ZNRF1: variants seen among roughly 807,000 people sequenced by gnomAD.
The protein encoded by ZNRF1 is zinc and ring finger 1, also known as E3 ubiquitin-protein ligase ZNRF1.
ZNRF1 carries 3 observed loss-of-function variants against 18.4 expected under a neutral mutation model. That is an observed-to-expected ratio of 0.16 (90% CI 0.07 to 0.42). The LOEUF is 0.42. Ranked by LOEUF, ZNRF1 falls within the 10% of genes least tolerant of loss-of-function variation. The probability of loss-of-function intolerance (pLI) is 0.99; values close to 1 mark genes in which losing one functional copy is unlikely to be tolerated. For synonymous variants in ZNRF1, 157 were observed against 144.2 expected (o/e 1.09, Z -0.64); for missense variants, 310 against 329.8 (o/e 0.94, Z 0.47).
rs1256255374 is a variant in ZNRF1 at position 75,000,107 on chromosome 16, G to T, written c.424+12G>T. ...CAGCTCGCATAGTGGTGAGTCCGCG[G>T]GTGGTGGAGGCCTCGGAGGGAGGGC... is the stretch of plus-strand genomic sequence containing the variant. On this transcript the variant is annotated intron_variant, in intron 1 of 4. Transcript: ENST00000335325. 1.3e-6 allele frequency: 2 copies of T among 1,594,308 alleles called. No individual in the cohort carries two copies. Among genetic ancestry groups the T allele is most frequent in the South Asian group, 1.1e-5 (1 of 87,624 alleles).
Position 75,061,290 on chromosome 16 carries a change from T to TC in ZNRF1, c.425-32276dup, listed in dbSNP as rs1236175831. On this transcript the variant is annotated intron_variant, in intron 1 of 4. Coordinates refer to ENST00000335325, the MANE Select transcript of ZNRF1 (RefSeq NM_032268.5). ...TTTGCACCCATTAACCATCCCCACCTCCCCCCACACCCCCAGTACCCTTCC... is the reference window on the plus strand; with the variant it reads ...TTTGCACCCATTAACCATCCCCACCTCCCCCCCACACCCCCAGTACCCTTCC... 3.3e-5 allele frequency among the ~76,000 whole-genome samples: 5 copies of TC among 150,884 alleles called. No individual in the cohort carries two copies. The East Asian group carries it at 9.9e-4, about 30-fold the overall frequency.
intron 1 of ZNRF1, among the ~76,000 whole-genome samples, chr16:75,072,535 T>C (rs376141293): frequency 6.6e-6 from 1 of 152,314 alleles, no homozygotes; most frequent in East Asian, 1.9e-4. Flanking sequence ...GTCCAGTGCC[T>C]GACACAGAGT....
intron 1 of ZNRF1, among the ~76,000 whole-genome samples, chr16:75,051,233 A>G (rs1597881537): frequency 6.6e-6 from 1 of 151,522 alleles, no homozygotes; most frequent in South Asian, 2.1e-4. Flanking sequence ...TCTGAGACGG[A>G]GTCTCACTCT....
rs149221475 is a variant in ZNRF1, at chr16:75,094,740, C to T, written c.520+1073C>T. On this transcript the variant is annotated intron_variant, in intron 2 of 4. Coordinates refer to ENST00000335325, the MANE Select transcript of ZNRF1 (RefSeq NM_032268.5). Reference sequence around the variant, plus strand: ...CTTCTCCTCAGTGCTGCTCAGCCCACGCCACTGCTGACCCTCGATTTTCCA... The same window carrying T: ...CTTCTCCTCAGTGCTGCTCAGCCCATGCCACTGCTGACCCTCGATTTTCCA... Among the ~76,000 whole-genome samples, 493 of 152,276 alleles carry T rather than the reference C, an allele frequency of 3.2e-3. 2 individuals carry two copies. Among genetic ancestry groups the T allele is most frequent in the Non-Finnish European group, 5.7e-3 (385 of 68,030 alleles).
At chr16:75,076,991 G>T (rs2035947269) in intron 1 of ZNRF1, among the ~76,000 whole-genome samples, 1 of 152,084 alleles carries the variant, frequency 6.6e-6, no homozygotes. Flanking sequence ...AATGTTTATT[G>T]TTTAAGCCGT....
intron 1 of ZNRF1, among the ~76,000 whole-genome samples, chr16:75,021,104 G>A (rs1025890297): frequency 7.2e-5 from 11 of 152,110 alleles, no homozygotes; most frequent in Non-Finnish European, 1.3e-4. Flanking sequence ...GCAATGGGGC[G>A]GTCTCAGCTC....
chr16:75,096,675 A>G (rs1009201561), intron 2 of ZNRF1, among the ~76,000 whole-genome samples: 10 of 152,140 alleles, frequency 6.6e-5, no homozygotes, highest in African/African-American at 2.4e-4. Context: ...GTTGGCACCA[A>G]TTGCGGAAAT....
intron 1 of ZNRF1, among the ~76,000 whole-genome samples, chr16:75,032,104 G>GTTTTTTTTTTTTT: frequency 9.2e-6 from 1 of 108,650 alleles, no homozygotes; most frequent in Non-Finnish European, 1.8e-5. Flanking sequence ...TTCTTGTGAG[G>GTTTTTTTTTTTTT]TTTTTTTTTT....
chr16:75,070,226 C>T (rs940949736), intron 1 of ZNRF1, among the ~76,000 whole-genome samples: 15 of 152,280 alleles, frequency 9.9e-5, no homozygotes, highest in South Asian at 4.1e-4. Context: ...GCATAGGGAC[C>T]TTCATGTTTG....
chr16:75,038,890 C>T (rs1415172980), intron 1 of ZNRF1, among the ~76,000 whole-genome samples: 1 of 152,092 alleles, frequency 6.6e-6, no homozygotes, highest in Non-Finnish European at 1.5e-5. Flanking sequence ...AGTCCTACTT[C>T]TGTAAAATTT....
intron 1 of ZNRF1, among the ~76,000 whole-genome samples, chr16:75,073,742 C>T (rs763432249): frequency 9.2e-5 from 14 of 152,018 alleles, no homozygotes; most frequent in Non-Finnish European, 1.6e-4. Context: ...GGACCTTGCC[C>T]GTTCCCCTGG....
At chr16:75,063,485 G>C (rs1406325746) in intron 1 of ZNRF1, among the ~76,000 whole-genome samples, 1 of 152,186 alleles carries the variant, frequency 6.6e-6, no homozygotes, top group Non-Finnish European at 1.5e-5. Context: ...GCTGCATTCA[G>C]TGTTTGCCGT....
At chr16:75,093,035 C>A (rs1468258037) in intron 1 of ZNRF1, among the ~76,000 whole-genome samples, 2 of 152,190 alleles carry the variant, frequency 1.3e-5, no homozygotes, top group Admixed American at 6.6e-5. Flanking sequence ...CTTAACGAGG[C>A]ACATAAGGCA....
intron 1 of ZNRF1, among the ~76,000 whole-genome samples, chr16:75,025,884 G>A (rs975048539): frequency 4.6e-5 from 7 of 151,890 alleles, no homozygotes; most frequent in Admixed American, 2.6e-4. Context: ...GTGGGGGGAC[G>A]GGGTGGGTGG....
chr16:75,087,532 G>A (rs190604366), intron 1 of ZNRF1, among the ~76,000 whole-genome samples: 4 of 152,314 alleles, frequency 2.6e-5, no homozygotes, highest in Admixed American at 1.3e-4. Context: ...AGAAAGAAAG[G>A]AAACCAGGTC....
intron 1 of ZNRF1, among the ~76,000 whole-genome samples, chr16:75,012,244 A>T (rs2035008730): frequency 6.6e-6 from 1 of 152,250 alleles, no homozygotes; most frequent in South Asian, 2.1e-4. Context: ...CAGTAGCATG[A>T]CCAGTGAGAC....
intron 1 of ZNRF1, among the ~76,000 whole-genome samples, chr16:75,008,132 G>C (rs142271982): frequency 6.6e-6 from 1 of 152,050 alleles, no homozygotes; most frequent in Non-Finnish European, 1.5e-5. Flanking sequence ...TTCCACCTCA[G>C]CTTCCCAAAA....
chr16:75,004,286 C>T (rs1337062341), intron 1 of ZNRF1, among the ~76,000 whole-genome samples: 1 of 152,168 alleles, frequency 6.6e-6, no homozygotes, highest in Non-Finnish European at 1.5e-5. Flanking sequence ...AGCAGAGTGA[C>T]TCCCTTTCCA....
intron 1 of ZNRF1, among the ~76,000 whole-genome samples, chr16:75,008,749 A>G (rs2034957175): frequency 6.6e-6 from 1 of 152,174 alleles, no homozygotes; most frequent in Non-Finnish European, 1.5e-5. Flanking sequence ...ACTCCTTAAG[A>G]GTCTGAATAT....
Sources: gnomAD v4.1 joint callset for allele counts (sites outside exome capture counted in the v4.1 genomes callset) on GRCh38, gnomAD v4.1.1 for gene constraint, MANE v1.5 for transcripts, NCBI Gene and HGNC (gene_info 2026-07-23, HGNC 2026-07-21) for gene names.